Variants in BUB1B observed in about 807,000 individuals in gnomAD.
BUB1B encodes BUB1 mitotic checkpoint serine/threonine kinase B, also known as mitotic checkpoint serine/threonine-protein kinase BUB1 beta.
BUB1B carries 86 observed loss-of-function variants against 137.7 expected under a neutral mutation model. The ratio of observed to expected loss-of-function variants is 0.62; its 90% CI spans 0.52 to 0.75. The LOEUF is 0.75. Ranked by LOEUF, BUB1B falls within the 30% of genes least tolerant of loss-of-function variation. The pLI is 0.00. For synonymous variants in BUB1B, 420 were observed against 417.9 expected (o/e 1.00, Z -0.06); for missense variants, 1,130 against 1,236.9 (o/e 0.91, Z 1.30).
intron 8 of BUB1B, among the ~76,000 whole-genome samples, chr15:40,192,759 T>A (rs372512728): frequency 6.6e-6 from 1 of 152,258 alleles, no homozygotes; most frequent in Non-Finnish European, 1.5e-5. Context: ...ATTGTATAGA[T>A]GTGCCACGAT....
At chr15:40,201,828 G>A (rs2037573960) in intron 12 of BUB1B, among the ~76,000 whole-genome samples, 1 of 151,788 alleles carries the variant, frequency 6.6e-6, no homozygotes. Flanking sequence ...CACCACGCCC[G>A]GCTAATTTTT....
At chr15:40,201,323 G>C (rs1595528855) in intron 12 of BUB1B, among the ~76,000 whole-genome samples, 1 of 152,264 alleles carries the variant, frequency 6.6e-6, no homozygotes, top group East Asian at 1.9e-4. Context: ...ACTCAAATTG[G>C]TTTTCTTTTC....
chr15:40,213,358 T>G lies in BUB1B; in HGVS notation c.2562T>G (p.Ile854Met). The change falls in exon 20 of 23, where the codon ATT (isoleucine) becomes ATG (methionine). Residue 854 changes from isoleucine (I) to methionine (M), a missense_variant. By Grantham distance (10) the Ile-to-Met change is conservative (BLOSUM62 1). Coordinates refer to ENST00000287598, the MANE Select transcript of BUB1B (RefSeq NM_001211.6). Reference sequence around the variant, plus strand: ...ATCTTCTCCAACACAGTGAATATATTACCCATGAAATAACAGTGTTGATTA... The same window carrying G: ...ATCTTCTCCAACACAGTGAATATATGACCCATGAAATAACAGTGTTGATTA... Reference protein sequence around the residue: ...LQDLLQHSEYITHEITVLIIY... With the variant: ...LQDLLQHSEYMTHEITVLIIY... 3.1e-6 allele frequency: 5 copies of G among 1,613,818 alleles called. No homozygotes were observed. The highest frequency in any genetic ancestry group is 4.2e-6 in the Non-Finnish European group (5 of 1,179,772).
chr15:40,218,359 G>C, intron 21 of BUB1B, 97 bp from the exon 22 acceptor site: 1 of 843,970 alleles, frequency 1.2e-6, no homozygotes, highest in East Asian at 2.6e-5. Context: ...AATAAACTTA[G>C]TTAAGCACTG....
In BUB1B at chr15:40,220,771, A is replaced by T. The variant is rs756736797; in HGVS notation, c.*12A>T. The T allele has an allele frequency of 5.0e-6, 8 of 1,611,908 alleles. No individual in the cohort carries two copies. The Admixed American group carries it at 1.3e-4, about 27-fold the overall frequency. ...TGCTCTTTCAGTGAGCTAGGCAATC[A>T]AGTCTCACAGATTGCTGCCTCAGAG... is the stretch of plus-strand genomic sequence containing the variant. On this transcript the variant is annotated 3_prime_UTR_variant, in exon 23 of 23. Transcript: ENST00000287598.
At chr15:40,180,141 G>A (rs903938957) in intron 5 of BUB1B, among the ~76,000 whole-genome samples, 16 of 150,424 alleles carry the variant, frequency 1.1e-4, no homozygotes, top group Admixed American at 1.1e-3. Flanking sequence ...GAGCAGGTCC[G>A]TTGTCAATTA....
rs1008828083 is a variant in BUB1B at position 40,209,729 on chromosome 15, A to G, written c.2238A>G (p.Glu746=). ...ELSASAELCI[E]DRPMPKLEIE... ...GTGCCTCTGCAGAGTTGTGTATAGA[A>G]GACAGACCAATGCCTAAGTTGGAAA... is the stretch of plus-strand genomic sequence containing the variant. Residue 746 remains glutamate (E), a synonymous_variant, in exon 17 of 23, where the codon GAA becomes GAG. Transcript: ENST00000287598. The G allele has an allele frequency of 2.5e-6, 4 of 1,614,084 alleles. No homozygotes were observed. The African/African-American group carries it at 4.0e-5, about 16-fold the overall frequency.
Position 40,217,672 on chromosome 15 carries a change from G to A in BUB1B, c.2850+5G>A. The A allele has an allele frequency of 6.2e-7, 1 of 1,614,150 alleles. No individual in the cohort carries two copies. Among genetic ancestry groups the A allele is most frequent in the Non-Finnish European group, 8.5e-7 (1 of 1,180,010 alleles). Reference sequence around the variant, plus strand: ...AACTGTTCTTCTCCCTACCAGGTAAGTGTAAAACAAGCCTGAGCAAATATG... The same window carrying A: ...AACTGTTCTTCTCCCTACCAGGTAAATGTAAAACAAGCCTGAGCAAATATG... On this transcript the variant is annotated splice_donor_5th_base_variant and intron_variant, in intron 21 of 22. Coordinates refer to ENST00000287598, the MANE Select transcript of BUB1B (RefSeq NM_001211.6).
chr15:40,211,845 G>A (rs981479320), intron 18 of BUB1B, among the ~76,000 whole-genome samples: 2 of 151,394 alleles, frequency 1.3e-5, no homozygotes, highest in South Asian at 2.1e-4. Flanking sequence ...TCTTCGAGAC[G>A]GAGTTTTGCT....
At chr15:40,202,896 A>G (rs1458986186) in intron 14 of BUB1B, among the ~76,000 whole-genome samples, 1 of 152,250 alleles carries the variant, frequency 6.6e-6, no homozygotes, top group Non-Finnish European at 1.5e-5. Context: ...CTATAATAAA[A>G]AATTACGCAC....
chr15:40,192,220 G>T (rs2037446979), intron 8 of BUB1B, among the ~76,000 whole-genome samples: 1 of 152,032 alleles, frequency 6.6e-6, no homozygotes, highest in South Asian at 2.1e-4. Context: ...TTAATTAATA[G>T]ACTTTATTTT....
intron 19 of BUB1B, 141 bp downstream of exon 19, chr15:40,212,789 T>C: frequency 1.2e-6 from 1 of 844,826 alleles, no homozygotes. Context: ...ATTGATAATT[T>C]TCTCGTTATT....
At chr15:40,193,468 CTTTTTTTTTTT>C (rs555918648) in intron 8 of BUB1B, among the ~76,000 whole-genome samples, 4,242 of 79,942 alleles carry the variant, frequency 0.053, 303 homozygotes, top group African/African-American at 0.2. Context: ...CTTATTACCA[CTTTTTTTTTTT>C]TTTTTTTTTT....
At chr15:40,183,570 G>A (rs1255421970) in intron 5 of BUB1B, 144 bp from the exon 6 acceptor site, 1 of 772,342 alleles carries the variant, frequency 1.3e-6, no homozygotes, top group Non-Finnish European at 2.2e-6. Context: ...CTTTACTTCT[G>A]AGAGAATAAA....
intron 18 of BUB1B, among the ~76,000 whole-genome samples, chr15:40,212,049 G>A (rs2037719991): frequency 6.6e-6 from 1 of 152,166 alleles, no homozygotes; most frequent in Non-Finnish European, 1.5e-5. Flanking sequence ...TGGTCAGGCT[G>A]GTCTTGAACC....
Position 40,209,695 on chromosome 15 carries a change from C to G in BUB1B, c.2204C>G (p.Pro735Arg), listed in dbSNP as rs1374331027. 6.2e-7 allele frequency: 1 copy of G among 1,613,940 alleles called. No individual in the cohort carries two copies. Among genetic ancestry groups the G allele is most frequent in the Non-Finnish European group, 8.5e-7 (1 of 1,179,982 alleles). ...CGCAGACAGCTACTGAAGTCCCTACCAGAGTTAAGTGCCTCTGCAGAGTTG... is the reference window on the plus strand; with the variant it reads ...CGCAGACAGCTACTGAAGTCCCTACGAGAGTTAAGTGCCTCTGCAGAGTTG... ...QYRRQLLKSL[P>R]ELSASAELCI... is the part of the protein sequence containing the mutation. The change falls in exon 17 of 23, where the codon CCA (proline) becomes CGA (arginine). Residue 735 changes from proline to arginine, a missense_variant. Physicochemically the swap from Pro to Arg is moderately radical, Grantham distance 103. Transcript: ENST00000287598.
chr15:40,180,848 C>T (rs1396486000), intron 5 of BUB1B, among the ~76,000 whole-genome samples: 1 of 150,778 alleles, frequency 6.6e-6, no homozygotes, highest in Non-Finnish European at 1.5e-5. Context: ...TGGGGTTTCA[C>T]CATGTTAGCC....
chr15:40,183,292 C>T (rs751923424), intron 5 of BUB1B, among the ~76,000 whole-genome samples: 30 of 152,146 alleles, frequency 2.0e-4, no homozygotes, highest in South Asian at 6.2e-4. Flanking sequence ...TGCACGTGCG[C>T]GCATGCATGT....
chr15:40,167,553 C>T (rs1484781426), intron 2 of BUB1B, among the ~76,000 whole-genome samples: 2 of 151,998 alleles, frequency 1.3e-5, no homozygotes, highest in African/African-American at 2.4e-5. Flanking sequence ...CATGGCCAGG[C>T]TGGTCTTGAA....
Sources: allele counts gnomAD v4.1 joint callset (sites outside exome capture counted in the v4.1 genomes callset), GRCh38; gene constraint gnomAD v4.1.1; transcripts MANE v1.5; gene names NCBI Gene and HGNC (gene_info 2026-07-23, HGNC 2026-07-21).